TRPM8: variants seen among roughly 807,000 people sequenced by gnomAD.
TRPM8 encodes the protein TRPM8 cationic channel.
Under a neutral mutation model 133.7 loss-of-function variants are expected in TRPM8, and 110 were observed. The observed-to-expected ratio is 0.82, with a 90% confidence interval of 0.70 to 0.96. The LOEUF (loss-of-function observed/expected upper bound fraction) is 0.96. Among genes scored for constraint, TRPM8 ranks in the 40% least tolerant of loss-of-function variants. The pLI is 0.00. For synonymous variants in TRPM8, 535 were observed against 532.3 expected (o/e 1.01, Z -0.07); for missense variants, 1,291 against 1,379.5 (o/e 0.94, Z 1.02).
chr2:233,938,234 C>T (rs760482677), intron 4 of TRPM8, among the ~76,000 whole-genome samples: 1 of 152,224 alleles, frequency 6.6e-6, no homozygotes, highest in South Asian at 2.1e-4. Flanking sequence ...TGTTCCTACC[C>T]GGCTTCAAAC....
At chr2:233,937,252 T>C (rs1690776129) in intron 3 of TRPM8, 101 bp from the exon 4 acceptor site, 4 of 1,410,040 alleles carry the variant, frequency 2.8e-6, no homozygotes, top group Non-Finnish European at 3.9e-6. Flanking sequence ...AAATAAGACT[T>C]GAAGGTATCC....
chr2:233,975,141 A>T (rs1228727069), intron 17 of TRPM8, among the ~76,000 whole-genome samples: 1 of 152,078 alleles, frequency 6.6e-6, no homozygotes, highest in Non-Finnish European at 1.5e-5. Context: ...ATTGCGTGGC[A>T]TGGGAATGAT....
At chr2:233,971,478 G>C (rs182974609) in intron 17 of TRPM8, among the ~76,000 whole-genome samples, 1 of 152,198 alleles carries the variant, frequency 6.6e-6, no homozygotes, top group Admixed American at 6.5e-5. Context: ...AGTGCCCTGT[G>C]TCTGACTTTC....
Position 233,942,594 on chromosome 2 carries a change from G to A in TRPM8, c.545G>A (p.Gly182Glu). The stretch of plus-strand genomic sequence containing the variant: ...TTGACAGGTGCTTGGATTCTCACGG[G>A]AGGCACCCATTATGGCCTGATGAAG... ...AQSKGAWILT[G>E]GTHYGLMKYI... Residue 182 changes from glycine to glutamate, a missense_variant, in exon 6 of 26, where the codon GGA (glycine) becomes GAA (glutamate). Around this residue, in one of 2 missense-constraint regions of TRPM8, gnomAD observed 963 missense variants for 968.9 expected, o/e 0.99. Transcript: ENST00000324695. 6.2e-7 allele frequency: 1 copy of A among 1,614,204 alleles called. No homozygotes were observed. Among genetic ancestry groups the A allele is most frequent in the South Asian group, 1.1e-5 (1 of 91,074 alleles).
intron 11 of TRPM8, among the ~76,000 whole-genome samples, chr2:233,957,796 T>C (rs1237043813): frequency 6.6e-6 from 1 of 152,048 alleles, no homozygotes. Context: ...ACAATGGGAG[T>C]ATTTACACCA....
In TRPM8 at chr2:233,945,715, C is replaced by T; in HGVS notation, c.700-141C>T. 10 of 653,074 alleles carry T rather than the reference C, an allele frequency of 1.5e-5. No individual in the cohort carries two copies. The South Asian group carries it at 2.2e-4, about 15-fold the overall frequency. 40.5% of individuals were successfully genotyped at this position (653,074 alleles called of 1,614,324 possible). A position where few individuals can be genotyped will look rare whatever the true frequency, so the allele number is the denominator to read the frequency against. ...AGTCTGTACTATAAGATCGCTAAGA[C>T]CCCTCTGGATTTAGGAATCTGGGAG... On this transcript the variant is annotated intron_variant, in intron 6 of 25. Transcript: ENST00000324695.
At chr2:233,920,092 G>C (rs981663397) in intron 1 of TRPM8, among the ~76,000 whole-genome samples, 2 of 152,268 alleles carry the variant, frequency 1.3e-5, no homozygotes, top group Non-Finnish European at 2.9e-5. Context: ...TCATGCTCTT[G>C]AGGTGGGGCC....
chr2:233,957,729 C>T (rs1227176466), intron 11 of TRPM8, among the ~76,000 whole-genome samples: 2 of 152,062 alleles, frequency 1.3e-5, no homozygotes, highest in East Asian at 1.9e-4. Context: ...TGAGCCACTC[C>T]ACATCTCTTC....
Position 233,966,750 on chromosome 2 carries a change from G to A in TRPM8, c.2020G>A (p.Val674Ile). The A allele has an allele frequency of 1.3e-6, 2 of 1,575,082 alleles. No homozygotes were observed. The highest frequency in any genetic ancestry group is 1.7e-6 in the Non-Finnish European group (2 of 1,156,656). ...TDQHFIAQPG[V>I]QNFLSKQWYG... ...CCAGCATTTCATCGCCCAGCCTGGG[G>A]TCCAGGTAAACCATACTCAGCCACC... Residue 674 changes from valine (V) to isoleucine (I), a missense_variant, in exon 15 of 26, where the codon GTC (valine) becomes ATC (isoleucine). Physicochemically the swap from Val to Ile is conservative, Grantham distance 29. Coordinates refer to ENST00000324695, the MANE Select transcript of TRPM8 (RefSeq NM_024080.5).
rs115662693 is a variant in TRPM8, at chr2:233,952,032, C to A, written c.1141-1885C>A. On this transcript the variant is annotated intron_variant, in intron 9 of 25. Coordinates refer to ENST00000324695, the MANE Select transcript of TRPM8 (RefSeq NM_024080.5). Reference sequence around the variant, plus strand: ...TCTCCTAAAAGCCGTCATGGTTATTCCCCCATGCCTATTCCTCAACTTCTC... The same window carrying A: ...TCTCCTAAAAGCCGTCATGGTTATTACCCCATGCCTATTCCTCAACTTCTC... 5.6e-3 allele frequency among the ~76,000 whole-genome samples: 858 copies of A among 152,246 alleles called. 5 individuals carry two copies. Among genetic ancestry groups the A allele is most frequent in the African/African-American group, 0.02 (821 of 41,530 alleles).
intron 9 of TRPM8, among the ~76,000 whole-genome samples, chr2:233,952,112 G>A (rs892526726): frequency 5.3e-5 from 8 of 152,084 alleles, no homozygotes; most frequent in East Asian, 1.9e-4. Flanking sequence ...GATATCATTC[G>A]TGTATTCATC....
At chr2:233,966,959 G>A (rs1021912894) in intron 15 of TRPM8, among the ~76,000 whole-genome samples, 2 of 152,186 alleles carry the variant, frequency 1.3e-5, no homozygotes, top group Admixed American at 6.5e-5. Flanking sequence ...GCAGGACAAA[G>A]AATATTCTTT....
Position 233,960,963 on chromosome 2 carries a change from A to G in TRPM8, c.1550A>G (p.Asn517Ser). 1 of 1,614,124 alleles carries G rather than the reference A, an allele frequency of 6.2e-7. No individual in the cohort carries two copies. Among genetic ancestry groups the G allele is most frequent in the Non-Finnish European group, 8.5e-7 (1 of 1,180,024 alleles). Reference sequence around the variant, plus strand: ...CTGCAGATCGCCAAGAATTCCTATAATGATGCCCTCCTCACGTTTGTCTGG... The same window carrying G: ...CTGCAGATCGCCAAGAATTCCTATAGTGATGCCCTCCTCACGTTTGTCTGG... ...RNLQIAKNSY[N>S]DALLTFVWKL... The change falls in exon 12 of 26, where the codon AAT becomes AGT. Residue 517 changes from asparagine to serine, a missense_variant. Asn to Ser is a conservative substitution (Grantham distance 46). This residue lies in a region of TRPM8 where 963 missense variants were observed against 968.9 expected (regional missense o/e 0.99). Coordinates refer to ENST00000324695, the MANE Select transcript of TRPM8 (RefSeq NM_024080.5).
intron 7 of TRPM8, 60 bp downstream of exon 7, chr2:233,946,090 A>G: frequency 6.6e-7 from 1 of 1,521,224 alleles, no homozygotes; most frequent in Non-Finnish European, 9.0e-7. Context: ...CCACAGCATC[A>G]ACAACAATCA....
At chr2:233,945,783 A>G (rs1559523615) in intron 6 of TRPM8, 73 bp from the exon 7 acceptor site, 4 of 1,373,448 alleles carry the variant, frequency 2.9e-6, no homozygotes. Flanking sequence ...CTTTCATATG[A>G]ATATAGAAAA....
chr2:233,957,441 A>T (rs1350832710), intron 11 of TRPM8, among the ~76,000 whole-genome samples: 1 of 152,056 alleles, frequency 6.6e-6, no homozygotes, highest in East Asian at 1.9e-4. Context: ...ATGAGCTGAG[A>T]TCACACCACT....
chr2:233,981,637 G>T, intron 18 of TRPM8, 137 bp from the exon 19 acceptor site: 1 of 742,988 alleles, frequency 1.3e-6, no homozygotes, highest in South Asian at 2.0e-5. Context: ...CCTCTGCTGG[G>T]TGGTGTTTCT....
At chr2:233,937,189 C>T in intron 3 of TRPM8, 164 bp from the exon 4 acceptor site, 1 of 826,406 alleles carries the variant, frequency 1.2e-6, no homozygotes, top group South Asian at 1.9e-5. Flanking sequence ...AGCCACCGCA[C>T]CCGTCCACAT....
intron 14 of TRPM8, among the ~76,000 whole-genome samples, chr2:233,965,188 G>A (rs1004988988): frequency 2.6e-5 from 4 of 152,140 alleles, no homozygotes; most frequent in African/African-American, 7.2e-5. Context: ...CTGGGCCTGC[G>A]ACACTCATGG....
Sources: allele counts gnomAD v4.1 joint callset (sites outside exome capture counted in the v4.1 genomes callset), GRCh38; gene constraint gnomAD v4.1.1; regional missense constraint gnomAD v4.1.1; transcripts MANE v1.5; gene names NCBI Gene and HGNC (gene_info 2026-07-23, HGNC 2026-07-21).